Variants in FHIT observed in about 807,000 individuals in gnomAD.
FHIT encodes fragile histidine triad diadenosine triphosphatase, also known as bis(5'-adenosyl)-triphosphatase.
Under a neutral mutation model 17.9 loss-of-function variants are expected in FHIT, and 19 were observed. The ratio of observed to expected loss-of-function variants is 1.06; its 90% confidence interval spans 0.74 to 1.56. The LOEUF is 1.56. Among genes scored for constraint, FHIT ranks in the 40% most tolerant of loss-of-function variants. The pLI is 0.00. For synonymous variants in FHIT, 81 were observed against 69.7 expected, an observed-to-expected ratio of 1.16 and a Z score of -0.81; for missense variants, 248 against 189.2, an observed-to-expected ratio of 1.31 and a Z score of -1.82.
chr3:60,509,935 A>G (rs2034883829), intron 5 of FHIT, among the ~76,000 whole-genome samples: 1 of 152,218 alleles, frequency 6.6e-6, no homozygotes, highest in South Asian at 2.1e-4. Context: ...AACCTTTGCC[A>G]ACATTATCAT....
intron 5 of FHIT, among the ~76,000 whole-genome samples, chr3:60,120,250 G>A (rs1306162002): frequency 6.6e-6 from 1 of 152,080 alleles, no homozygotes; most frequent in Non-Finnish European, 1.5e-5. Context: ...GCAGAAACTG[G>A]GCCTTAATCA....
intron 4 of FHIT, among the ~76,000 whole-genome samples, chr3:60,625,459 G>A (rs576073834): frequency 6.6e-6 from 1 of 152,114 alleles, no homozygotes; most frequent in Non-Finnish European, 1.5e-5. Flanking sequence ...GCCATCCTAT[G>A]AGGTGATGTG....
At chr3:61,102,975 T>C (rs571125548) in intron 2 of FHIT, among the ~76,000 whole-genome samples, 37 of 152,310 alleles carry the variant, frequency 2.4e-4, no homozygotes, top group Non-Finnish European at 4.7e-4. Context: ...TAGTGGTCTA[T>C]CAATTTTGTT....
chr3:60,004,736 T>C (rs1232033167), intron 7 of FHIT, among the ~76,000 whole-genome samples: 1 of 152,166 alleles, frequency 6.6e-6, no homozygotes, highest in African/African-American at 2.4e-5. Flanking sequence ...CTGTCAACTG[T>C]GCTTTTCCAG....
chr3:60,942,956 A>C (rs1405806369), intron 3 of FHIT, among the ~76,000 whole-genome samples: 4 of 152,162 alleles, frequency 2.6e-5, no homozygotes, highest in Admixed American at 2.6e-4. Context: ...GAGTTTCCAA[A>C]TGTATAAAGT....
At chr3:59,797,562 A>G (rs991718511) in intron 8 of FHIT, among the ~76,000 whole-genome samples, 1 of 152,212 alleles carries the variant, frequency 6.6e-6, no homozygotes, top group Non-Finnish European at 1.5e-5. Flanking sequence ...TCTTTGGATG[A>G]ACCAATGCAT....
intron 4 of FHIT, among the ~76,000 whole-genome samples, chr3:60,656,363 C>A (rs988217892): frequency 6.6e-6 from 1 of 152,148 alleles, no homozygotes; most frequent in Non-Finnish European, 1.5e-5. Context: ...TGCCTGGGGT[C>A]TTTTGAAAGA....
chr3:60,776,959 A>T (rs1284891306), intron 4 of FHIT, among the ~76,000 whole-genome samples: 1 of 152,204 alleles, frequency 6.6e-6, no homozygotes, highest in Non-Finnish European at 1.5e-5. Context: ...AACCAAGGGT[A>T]TTATATGGTT....
chr3:60,744,382 C>A (rs1290920677), intron 4 of FHIT, among the ~76,000 whole-genome samples: 6 of 151,402 alleles, frequency 4.0e-5, no homozygotes, highest in Non-Finnish European at 8.8e-5. Flanking sequence ...AGCATGCAGA[C>A]AAGTAGGGGA....
intron 4 of FHIT, among the ~76,000 whole-genome samples, chr3:60,750,703 A>T (rs2042448838): frequency 6.6e-6 from 1 of 152,160 alleles, no homozygotes; most frequent in Non-Finnish European, 1.5e-5. Flanking sequence ...ATATATCTTT[A>T]TCAGCAGTGT....
chr3:60,279,964 G>A (rs1343319577), intron 5 of FHIT, among the ~76,000 whole-genome samples: 6 of 151,292 alleles, frequency 4.0e-5, no homozygotes, highest in Non-Finnish European at 7.4e-5. Context: ...CCTGGGAGGC[G>A]GAGCTTGCAG....
chr3:60,977,351 C>A (rs1249519350), intron 3 of FHIT, among the ~76,000 whole-genome samples: 2 of 152,212 alleles, frequency 1.3e-5, no homozygotes, highest in South Asian at 2.1e-4. Context: ...CAGTCAATGG[C>A]GGTTTCCTCA....
At chr3:60,272,759 C>T (rs765416842) in intron 5 of FHIT, among the ~76,000 whole-genome samples, 70 of 152,172 alleles carry the variant, frequency 4.6e-4, no homozygotes, top group Non-Finnish European at 9.1e-4. Context: ...AGACCTCCAG[C>T]TGAAAATGCC....
At chr3:60,213,099 T>C (rs1703532111) in intron 5 of FHIT, among the ~76,000 whole-genome samples, 1 of 152,148 alleles carries the variant, frequency 6.6e-6, no homozygotes, top group African/African-American at 2.4e-5. Flanking sequence ...ATTCCTTGGC[T>C]GACGATGACA....
chr3:59,799,796 A>C (rs951988690), intron 8 of FHIT, among the ~76,000 whole-genome samples: 1 of 152,164 alleles, frequency 6.6e-6, no homozygotes, highest in Non-Finnish European at 1.5e-5. Flanking sequence ...CTTATCAGAA[A>C]ATTGATCTAT....
chr3:60,171,838 T>C (rs1701428220), intron 5 of FHIT, among the ~76,000 whole-genome samples: 2 of 151,112 alleles, frequency 1.3e-5, no homozygotes, highest in Non-Finnish European at 2.9e-5. Flanking sequence ...CCCAAATAGT[T>C]AGGATTATAA....
At chr3:60,611,068 G>A (rs1350574884) in intron 4 of FHIT, among the ~76,000 whole-genome samples, 1 of 152,218 alleles carries the variant, frequency 6.6e-6, no homozygotes, top group Non-Finnish European at 1.5e-5. Flanking sequence ...GGGTCCAGCT[G>A]TTCCTTTGGC....
chr3:60,528,481 G>A (rs957026278), intron 5 of FHIT, among the ~76,000 whole-genome samples: 1 of 152,088 alleles, frequency 6.6e-6, no homozygotes, highest in South Asian at 2.1e-4. Context: ...TATCCCCCAT[G>A]CTACAAGTAA....
At chr3:61,092,521 T>G (rs999240918) in intron 2 of FHIT, among the ~76,000 whole-genome samples, 1 of 151,262 alleles carries the variant, frequency 6.6e-6, no homozygotes, top group Non-Finnish European at 1.5e-5. Context: ...ATATATATAC[T>G]GCTTGCTGAC....
Sources: gnomAD v4.1 joint callset for allele counts (sites outside exome capture counted in the v4.1 genomes callset) on GRCh38, gnomAD v4.1.1 for gene constraint, MANE v1.5 for transcripts, NCBI Gene and HGNC (gene_info 2026-07-23, HGNC 2026-07-21) for gene names.